Variants in FRYL observed in about 807,000 individuals in gnomAD.
FRYL encodes FRY like transcription coactivator, also known as protein furry homolog-like.
In FRYL, 150 loss-of-function variants were observed where a neutral mutation model predicts 351.2. That is an observed-to-expected ratio of 0.43 (90% CI 0.37 to 0.49). The LOEUF is 0.49. Among genes scored for constraint, FRYL ranks in the 20% least tolerant of loss-of-function variants. The pLI is 0.00. For synonymous variants in FRYL, 1,153 were observed against 1,257.1 expected, an observed-to-expected ratio of 0.92 and a Z score of 1.75; for missense variants, 3,036 against 3,619.3, an observed-to-expected ratio of 0.84 and a Z score of 4.13.
intron 57 of FRYL, among the ~76,000 whole-genome samples, chr4:48,512,010 C>A (rs1577872735): frequency 1.3e-5 from 2 of 152,100 alleles, no homozygotes; most frequent in Admixed American, 1.3e-4. Context: ...GTAGTGGGTA[C>A]TCAATAAATT....
intron 1 of FRYL, among the ~76,000 whole-genome samples, chr4:48,761,041 GTGTGTGTGTT>G (rs1039116337): frequency 2.6e-5 from 4 of 151,622 alleles, no homozygotes; most frequent in African/African-American, 9.7e-5. Flanking sequence ...GTGTGTGTGT[GTGTGTGTGTT>G]GAAGAGGAAA....
At position 48,499,439 on chromosome 4, in the gene FRYL, C is replaced by G; in HGVS notation, c.9025G>C (p.Val3009Leu). 1.2e-6 allele frequency: 2 copies of G among 1,614,010 alleles called. No homozygotes were observed. The highest frequency in any genetic ancestry group is 1.7e-6 in the Non-Finnish European group (2 of 1,179,898). The change falls in exon 64 of 64, where the codon GTG becomes CTG. Residue 3009 changes from valine (V) to leucine (L), a missense_variant. Coordinates refer to ENST00000358350, the MANE Select transcript of FRYL (RefSeq NM_015030.2). ...GAAGTGTCTCAGAATCCAGTGCTCA[C>G]CATATTTCCCATTGGTTTGGCCTGT... Reference protein sequence around the residue: ...LAQAKPMGNMVSTGF With the variant: ...LAQAKPMGNMLSTGF
Position 48,696,962 on chromosome 4 carries a change from C to G in FRYL, c.-203-12167G>C, listed in dbSNP as rs1347839953. ...CATCAGGTTTTGGCTCAAACAATCT[C>G]TGCTTTTGTCTTAAAATGAATAATT... On this transcript the variant is annotated intron_variant, in intron 2 of 63. Coordinates refer to ENST00000358350, the MANE Select transcript of FRYL (RefSeq NM_015030.2). Among the ~76,000 whole-genome samples the G allele has an allele frequency of 2.0e-5, 3 of 151,964 alleles. No homozygotes were observed. In the South Asian group the frequency reaches 6.2e-4, roughly 31 times the overall value.
At chr4:48,612,116 T>A (rs2149287652) in intron 7 of FRYL, among the ~76,000 whole-genome samples, 1 of 152,318 alleles carries the variant, frequency 6.6e-6, no homozygotes, top group South Asian at 2.1e-4. Context: ...CTGCATATAT[T>A]TACCTTCCCA....
intron 1 of FRYL, among the ~76,000 whole-genome samples, chr4:48,728,270 A>AAT (rs771334782): frequency 7.2e-5 from 11 of 152,152 alleles, no homozygotes; most frequent in Non-Finnish European, 1.2e-4. Flanking sequence ...CATAGCAAAA[A>AAT]ATATATATAT....
intron 2 of FRYL, among the ~76,000 whole-genome samples, chr4:48,703,235 A>AATTG (rs1766960370): frequency 6.6e-6 from 1 of 152,238 alleles, no homozygotes; most frequent in African/African-American, 2.4e-5. Flanking sequence ...GGACTAAGAC[A>AATTG]GTATGGGACC....
rs1432330112 is a variant in FRYL, at chr4:48,595,657, G to A, written c.1181C>T (p.Ser394Leu). 1.2e-6 allele frequency: 2 copies of A among 1,613,326 alleles called. No individual in the cohort carries two copies. Among genetic ancestry groups the A allele is most frequent in the East Asian group, 2.2e-5 (1 of 44,836 alleles). ...SIVSALFPKG[S>L]RSVVPRDTPL... ...TGTGTCACGAGGAACCACACTTCGTGAGCCTTTTGGAAAAAGTGCTGACAC... is the reference window on the plus strand; with the variant it reads ...TGTGTCACGAGGAACCACACTTCGTAAGCCTTTTGGAAAAAGTGCTGACAC... The change falls in exon 15 of 64, where the codon TCA becomes TTA. Residue 394 changes from serine (S) to leucine (L), a missense_variant. Coordinates refer to ENST00000358350, the MANE Select transcript of FRYL (RefSeq NM_015030.2).
At chr4:48,599,709 T>C (rs972783942) in intron 13 of FRYL, among the ~76,000 whole-genome samples, 1 of 152,200 alleles carries the variant, frequency 6.6e-6, no homozygotes, top group African/African-American at 2.4e-5. Flanking sequence ...AAACACGGGT[T>C]ACTTGTTTAT....
At chr4:48,628,684 T>C (rs1412318853) in intron 4 of FRYL, among the ~76,000 whole-genome samples, 1 of 152,104 alleles carries the variant, frequency 6.6e-6, no homozygotes, top group African/African-American at 2.4e-5. Context: ...GGATATTGAA[T>C]GCCCCAACAT....
At chr4:48,640,028 G>C (rs965650988) in intron 3 of FRYL, among the ~76,000 whole-genome samples, 3 of 152,228 alleles carry the variant, frequency 2.0e-5, no homozygotes, top group African/African-American at 7.2e-5. Context: ...TGAGGACGTG[G>C]AGCAACAAGG....
chr4:48,728,766 G>A (rs1043564881), intron 1 of FRYL, among the ~76,000 whole-genome samples: 4 of 152,166 alleles, frequency 2.6e-5, no homozygotes, highest in African/African-American at 7.2e-5. Flanking sequence ...CAAGATGGAC[G>A]AATAGTAACA....
intron 30 of FRYL, among the ~76,000 whole-genome samples, chr4:48,564,316 T>C (rs1736234831): frequency 6.6e-6 from 1 of 152,222 alleles, no homozygotes; most frequent in Non-Finnish European, 1.5e-5. Flanking sequence ...TACGCGAGCC[T>C]CTCTAGTATG....
chr4:48,592,588 T>C (rs965235223), intron 16 of FRYL, among the ~76,000 whole-genome samples: 7 of 152,178 alleles, frequency 4.6e-5, no homozygotes, highest in African/African-American at 1.7e-4. Context: ...AAAATGGATG[T>C]TCAAGAAAAT....
intron 1 of FRYL, among the ~76,000 whole-genome samples, chr4:48,766,033 A>T (rs1171580638): frequency 3.3e-5 from 5 of 152,218 alleles, no homozygotes; most frequent in Non-Finnish European, 7.3e-5. Flanking sequence ...CGCTGGTGGG[A>T]ATGTAAATTG....
At chr4:48,681,087 C>A in intron 3 of FRYL, 1 of 1,267,788 alleles carries the variant, frequency 7.9e-7, no homozygotes, top group Non-Finnish European at 1.0e-6. Flanking sequence ...CCACATCTCC[C>A]GAAAGAATGG....
intron 16 of FRYL, among the ~76,000 whole-genome samples, chr4:48,592,600 T>C (rs1743651454): frequency 6.6e-6 from 1 of 152,132 alleles, no homozygotes. Flanking sequence ...CAAGAAAATA[T>C]CTTTTGTTTC....
intron 46 of FRYL, 31 bp from the exon 47 acceptor site, chr4:48,540,099 C>A: frequency 6.7e-7 from 1 of 1,494,528 alleles, no homozygotes; most frequent in Non-Finnish European, 9.2e-7. Context: ...AAACAATAAC[C>A]AATTTTATTG....
At chr4:48,714,177 T>C (rs370056961) in intron 1 of FRYL, among the ~76,000 whole-genome samples, 21 of 152,100 alleles carry the variant, frequency 1.4e-4, no homozygotes, top group Admixed American at 3.9e-4. Context: ...CAGGAAAGAT[T>C]CAAAATTGAC....
chr4:48,563,074 G>A, intron 31 of FRYL, 86 bp from the exon 32 acceptor site: 1 of 832,964 alleles, frequency 1.2e-6, no homozygotes, highest in Non-Finnish European at 2.0e-6. Flanking sequence ...AAAGGGCAAG[G>A]CTTATAGGCA....
Sources: gnomAD v4.1 joint callset for allele counts (sites outside exome capture counted in the v4.1 genomes callset) on GRCh38, gnomAD v4.1.1 for gene constraint, MANE v1.5 for transcripts, NCBI Gene and HGNC (gene_info 2026-07-23, HGNC 2026-07-21) for gene names.